Variants in ZNF292 observed in about 807,000 individuals in gnomAD.
ZNF292 encodes zinc finger protein 292, also known as 16 zinc-finger domain protein.
Under a neutral mutation model 217.9 loss-of-function variants are expected in ZNF292, and 26 were observed. The ratio of observed to expected loss-of-function variants is 0.12; its 90% CI spans 0.09 to 0.17. The LOEUF (loss-of-function observed/expected upper bound fraction) is 0.17, where lower values mean the gene tolerates loss of function less well. ZNF292 is among the 10% of genes least tolerant of loss of function. The pLI, the probability that ZNF292 is intolerant of heterozygous loss-of-function variation, is 1.00. For missense variants in ZNF292, 2,904 were observed against 3,175.2 expected (o/e 0.91, Z 2.05); for synonymous variants, 1,257 against 1,124.1 (o/e 1.12, Z -2.37).
rs68087857 is a variant in ZNF292 at position 87,204,554 on chromosome 6, A to ATTTTTTTTTTTTTT, written c.169-11336_169-11323dup. 3.1e-4 allele frequency among the ~76,000 whole-genome samples: 20 copies of ATTTTTTTTTTTTTT among 63,638 alleles called. 4 individuals are homozygous for ATTTTTTTTTTTTTT. Among genetic ancestry groups the ATTTTTTTTTTTTTT allele is most frequent in the African/African-American group, 1.1e-3 (16 of 14,378 alleles). 41.7% of individuals were successfully genotyped at this position (63,638 alleles called of 152,430 possible). ...TAGGATTTGGTTGGTAACATTTAGG[A>ATTTTTTTTTTTTTT]TTTTTTTTTTTTTTTTTTTTTTTTT... On this transcript the variant is annotated intron_variant, in intron 1 of 7. Coordinates refer to ENST00000369577, the MANE Select transcript of ZNF292 (RefSeq NM_015021.3).
At chr6:87,174,889 T>C (rs1562123341) in intron 1 of ZNF292, among the ~76,000 whole-genome samples, 2 of 152,210 alleles carry the variant, frequency 1.3e-5, no homozygotes, top group Admixed American at 1.3e-4. Flanking sequence ...TAAAAATTTA[T>C]TGAGAAGACC....
intron 1 of ZNF292, among the ~76,000 whole-genome samples, chr6:87,171,328 T>C (rs530726340): frequency 6.6e-6 from 1 of 152,138 alleles, no homozygotes; most frequent in African/African-American, 2.4e-5. Flanking sequence ...GAACAGATTT[T>C]GAACTATGAT....
chr6:87,193,512 C>T (rs181604460), intron 1 of ZNF292, among the ~76,000 whole-genome samples: 3 of 151,750 alleles, frequency 2.0e-5, no homozygotes, highest in Admixed American at 2.0e-4. Context: ...TGCACTCCAG[C>T]CTGGGTGACA....
chr6:87,255,965 C>T lies in ZNF292; in HGVS notation c.2336C>T (p.Ala779Val), dbSNP rs1775187769. The T allele has an allele frequency of 6.2e-7, 1 of 1,611,408 alleles. No individual in the cohort carries two copies. Among genetic ancestry groups the T allele is most frequent in the Non-Finnish European group, 8.5e-7 (1 of 1,178,542 alleles). ...CGAAAGGAGCATCAAGTCTTTAGAG[C>T]AAAATGTATGTTTCCTAAATGTGGA... ...THRKEHQVFR[A>V]KCMFPKCGRI... Residue 779 changes from alanine to valine, a missense_variant, in exon 8 of 8, where the codon GCA (alanine) becomes GTA (valine). Physicochemically the swap from Ala to Val is moderately conservative, Grantham distance 64. Around this residue, in one of 15 missense-constraint regions of ZNF292, gnomAD observed 216 missense variants for 308.3 expected, o/e 0.70. Coordinates refer to ENST00000369577, the MANE Select transcript of ZNF292 (RefSeq NM_015021.3).
intron 3 of ZNF292, among the ~76,000 whole-genome samples, chr6:87,218,305 A>G (rs1284436137): frequency 6.6e-6 from 1 of 152,124 alleles, no homozygotes; most frequent in Non-Finnish European, 1.5e-5. Context: ...GCGTATGGAT[A>G]TTCTGATTGC....
chr6:87,171,409 G>GT (rs1562121397), intron 1 of ZNF292, among the ~76,000 whole-genome samples: 1 of 150,892 alleles, frequency 6.6e-6, no homozygotes, highest in South Asian at 2.1e-4. Flanking sequence ...TTTTTTGTTT[G>GT]TTTTTTTAAT....
At position 87,257,110 on chromosome 6, in the gene ZNF292, G is replaced by A. The variant is rs767311331; in HGVS notation, c.3481G>A (p.Val1161Met). ...GTTTGTTTATTTTTTGCCATCACCG[G>A]TGAACAGCTCAAATCCATTTTTTAC... ...GKFVYFLPSP[V>M]NSSNPFFTSQ... Residue 1161 changes from valine (V) to methionine (M), a missense_variant, in exon 8 of 8, where the codon GTG (valine) becomes ATG (methionine). Coordinates refer to ENST00000369577, the MANE Select transcript of ZNF292 (RefSeq NM_015021.3). 2 of 1,613,852 alleles carry A rather than the reference G, an allele frequency of 1.2e-6. No individual in the cohort carries two copies. Among genetic ancestry groups the A allele is most frequent in the Non-Finnish European group, 1.7e-6 (2 of 1,179,840 alleles).
intron 5 of ZNF292, among the ~76,000 whole-genome samples, chr6:87,236,148 C>G (rs1773894696): frequency 6.6e-6 from 1 of 152,220 alleles, no homozygotes; most frequent in Non-Finnish European, 1.5e-5. Flanking sequence ...CCACCCTACT[C>G]TTTGTCCACT....
At chr6:87,216,486 A>C (rs1772784621) in intron 3 of ZNF292, 109 bp downstream of exon 3, 2 of 748,604 alleles carry the variant, frequency 2.7e-6, no homozygotes, top group Non-Finnish European at 4.4e-6. Flanking sequence ...AATGACAGAC[A>C]TTAATTACTG....
chr6:87,249,355 G>A, intron 7 of ZNF292: 1 of 431,312 alleles, frequency 2.3e-6, no homozygotes, highest in Non-Finnish European at 4.7e-6. Context: ...TCCAACTCCT[G>A]GGCTCAAGTA....
intron 1 of ZNF292, among the ~76,000 whole-genome samples, chr6:87,180,923 G>A (rs143509801): frequency 6.6e-6 from 1 of 152,266 alleles, no homozygotes; most frequent in East Asian, 1.9e-4. Context: ...CAGGAGGTGT[G>A]ACAGAGGTGT....
At chr6:87,219,606 G>A (rs916121488) in intron 4 of ZNF292, among the ~76,000 whole-genome samples, 7 of 152,110 alleles carry the variant, frequency 4.6e-5, no homozygotes, top group African/African-American at 1.7e-4. Context: ...AGCCTTCCCA[G>A]CCAATCTTCA....
chr6:87,211,073 G>A (rs964970421), intron 1 of ZNF292, among the ~76,000 whole-genome samples: 1 of 152,186 alleles, frequency 6.6e-6, no homozygotes, highest in African/African-American at 2.4e-5. Flanking sequence ...ATACTCACTA[G>A]TGTAGTCCCT....
In ZNF292 at chr6:87,254,632, C is replaced by T. The variant is rs762797177; in HGVS notation, c.1021-18C>T. On this transcript the variant is annotated intron_variant, in intron 7 of 7. Coordinates refer to ENST00000369577, the MANE Select transcript of ZNF292 (RefSeq NM_015021.3). ...TTAGTGTAGATTAAATTAACATTTC[C>T]TATTTGCTTTTTCACAGACTGAAGG... The T allele has an allele frequency of 2.6e-5, 41 of 1,555,006 alleles. No homozygotes were observed. The highest frequency in any genetic ancestry group is 3.6e-5 in the Non-Finnish European group (41 of 1,149,570).
intron 1 of ZNF292, among the ~76,000 whole-genome samples, chr6:87,186,499 GT>G (rs1488972510): frequency 1.3e-5 from 2 of 152,220 alleles, no homozygotes; most frequent in South Asian, 4.1e-4. Context: ...GGAGAGCTCA[GT>G]TAGCTGCTAA....
chr6:87,216,132 CA>C, intron 2 of ZNF292, 75 bp downstream of exon 2: 1 of 842,306 alleles, frequency 1.2e-6, no homozygotes. Context: ...CACACACACA[CA>C]CACACACACA....
chr6:87,162,044 T>C (rs1770771519), intron 1 of ZNF292, among the ~76,000 whole-genome samples: 2 of 152,234 alleles, frequency 1.3e-5, no homozygotes, highest in African/African-American at 4.8e-5. Context: ...TGGCTGGGTC[T>C]AATTAATCAG....
intron 1 of ZNF292, among the ~76,000 whole-genome samples, chr6:87,215,301 AC>A (rs1772691222): frequency 6.6e-6 from 1 of 151,128 alleles, no homozygotes. Context: ...AATTAAAAAA[AC>A]ACTATTACAA....
intron 1 of ZNF292, among the ~76,000 whole-genome samples, chr6:87,164,770 T>TC (rs1013847732): frequency 6.6e-6 from 1 of 150,908 alleles, no homozygotes; most frequent in East Asian, 1.9e-4. Flanking sequence ...CTCTTTTTTT[T>TC]TTTTTTTTTT....
Sources: gnomAD v4.1 joint callset for allele counts (sites outside exome capture counted in the v4.1 genomes callset) on GRCh38, gnomAD v4.1.1 for gene constraint, gnomAD v4.1.1 regional missense constraint, MANE v1.5 for transcripts, NCBI Gene and HGNC (gene_info 2026-07-23, HGNC 2026-07-21) for gene names.